SLC14A2: variants seen among roughly 807,000 people sequenced by gnomAD.
SLC14A2 encodes urea transporter 2.
Under a neutral mutation model 104.6 loss-of-function variants are expected in SLC14A2, and 91 were observed. The ratio of observed to expected loss-of-function variants is 0.87; its 90% CI spans 0.73 to 1.04. The LOEUF (loss-of-function observed/expected upper bound fraction) is 1.04, where lower values mean the gene tolerates loss of function less well. Ranked by LOEUF, SLC14A2 falls within the 50% of genes least tolerant of loss-of-function variation. The probability of loss-of-function intolerance (pLI) is 0.00; values close to 1 mark genes in which losing one functional copy is unlikely to be tolerated. For synonymous variants in SLC14A2, 476 were observed against 466.4 expected (o/e 1.02, Z -0.27); for missense variants, 1,189 against 1,156.0 (o/e 1.03, Z -0.41).
chr18:45,669,169 C>T, intron 15 of SLC14A2, 137 bp from the exon 16 acceptor site: 1 of 691,490 alleles, frequency 1.4e-6, no homozygotes, highest in Non-Finnish European at 2.4e-6. Context: ...AAGACCTGCT[C>T]AGGGCCAGTC....
intron 1 of SLC14A2, among the ~76,000 whole-genome samples, chr18:45,257,907 A>G (rs8095304): frequency 0.48 from 72,633 of 151,968 alleles, 17,970 homozygotes; most frequent in African/African-American, 0.61. Context: ...CCTCTGGGAG[A>G]AATATCAGGC....
chr18:45,399,652 T>C (rs1289730742), intron 1 of SLC14A2, among the ~76,000 whole-genome samples: 1 of 151,940 alleles, frequency 6.6e-6, no homozygotes, highest in African/African-American at 2.4e-5. Context: ...AGAATACATA[T>C]TATGGTGGGA....
intron 2 of SLC14A2, among the ~76,000 whole-genome samples, chr18:45,606,101 G>T (rs184477432): frequency 8.5e-5 from 13 of 152,106 alleles, no homozygotes; most frequent in Non-Finnish European, 1.6e-4. Flanking sequence ...CAAGTTGGGG[G>T]AAGGAGAAAC....
At chr18:45,660,026 C>T (rs1324931324) in intron 10 of SLC14A2, among the ~76,000 whole-genome samples, 25 of 151,714 alleles carry the variant, frequency 1.6e-4, no homozygotes, top group Admixed American at 1.4e-3. Flanking sequence ...CCAACAATTC[C>T]GAATGCTAAG....
intron 2 of SLC14A2, among the ~76,000 whole-genome samples, chr18:45,506,685 G>A (rs181446812): frequency 6.6e-6 from 1 of 152,302 alleles, no homozygotes; most frequent in Non-Finnish European, 1.5e-5. Flanking sequence ...TTTTTCTCTA[G>A]TGCCTCCACA....
At chr18:45,368,603 T>C (rs1430262750) in intron 1 of SLC14A2, among the ~76,000 whole-genome samples, 1 of 152,206 alleles carries the variant, frequency 6.6e-6, no homozygotes, top group Non-Finnish European at 1.5e-5. Flanking sequence ...TGTTTAACAA[T>C]CCATGAAACT....
At chr18:45,197,942 A>G in the SLC14A2 span, among the ~76,000 whole-genome samples, 1 of 152,182 alleles carries the variant, frequency 6.6e-6, no homozygotes, top group Non-Finnish European at 1.5e-5. Context: ...GCTCGTAGGA[A>G]CTTTCAAAAG....
chr18:45,189,770 T>TG, the SLC14A2 span, among the ~76,000 whole-genome samples: 2 of 152,192 alleles, frequency 1.3e-5, no homozygotes, highest in African/African-American at 2.4e-5. Flanking sequence ...GTCATCCATG[T>TG]GGGGGGAGTT....
intron 1 of SLC14A2, among the ~76,000 whole-genome samples, chr18:45,421,156 G>A (rs947832317): frequency 1.9e-4 from 29 of 152,022 alleles, no homozygotes; most frequent in African/African-American, 7.0e-4. Flanking sequence ...AGTGAATCAA[G>A]AACCTAAAAT....
intron 1 of SLC14A2, among the ~76,000 whole-genome samples, chr18:45,373,800 A>G (rs954036357): frequency 2.6e-5 from 4 of 152,176 alleles, no homozygotes; most frequent in African/African-American, 4.8e-5. Context: ...TAAATCCTCT[A>G]TGCTTCGGTT....
intron 1 of SLC14A2, among the ~76,000 whole-genome samples, chr18:45,229,498 A>G (rs781338316): frequency 6.6e-6 from 1 of 152,148 alleles, no homozygotes; most frequent in Non-Finnish European, 1.5e-5. Context: ...GCGAGAGCTA[A>G]ACAAGTTCTG....
chr18:45,295,188 G>A (rs1177505882), intron 1 of SLC14A2, among the ~76,000 whole-genome samples: 3 of 152,172 alleles, frequency 2.0e-5, no homozygotes, highest in African/African-American at 7.2e-5. Flanking sequence ...TTCTGTTTTG[G>A]ACAACTGGGA....
At chr18:45,272,406 T>G (rs2084660185) in intron 1 of SLC14A2, among the ~76,000 whole-genome samples, 1 of 152,018 alleles carries the variant, frequency 6.6e-6, no homozygotes. Context: ...GAACTGGAGA[T>G]CAATATATTC....
At chr18:45,572,248 G>A (rs2044358356) in intron 2 of SLC14A2, among the ~76,000 whole-genome samples, 1 of 152,178 alleles carries the variant, frequency 6.6e-6, no homozygotes, top group Non-Finnish European at 1.5e-5. Context: ...CAAGGGTTCA[G>A]AACTACCTTC....
intron 2 of SLC14A2, among the ~76,000 whole-genome samples, chr18:45,500,912 A>G (rs1340001448): frequency 6.6e-6 from 1 of 152,228 alleles, no homozygotes; most frequent in Non-Finnish European, 1.5e-5. Context: ...GGTCACTGTC[A>G]GATAAGATAA....
At chr18:45,622,168 C>T (rs1307938397) in intron 1 of SLC14A2, among the ~76,000 whole-genome samples, 1 of 151,982 alleles carries the variant, frequency 6.6e-6, no homozygotes, top group African/African-American at 2.4e-5. Context: ...TGAGGAGAAA[C>T]CTGGGAAAAA....
At chr18:45,672,181 C>A (rs2046151200) in intron 16 of SLC14A2, among the ~76,000 whole-genome samples, 1 of 152,158 alleles carries the variant, frequency 6.6e-6, no homozygotes, top group South Asian at 2.1e-4. Context: ...CTTGAAAACA[C>A]ACAGGGCCAT....
At chr18:45,177,675 C>G in the SLC14A2 span, among the ~76,000 whole-genome samples, 31 of 152,216 alleles carry the variant, frequency 2.0e-4, no homozygotes, top group African/African-American at 7.2e-4. Flanking sequence ...TTACTCTTTC[C>G]CCTCACAATA....
At chr18:45,390,350 G>T (rs1598746713) in intron 1 of SLC14A2, among the ~76,000 whole-genome samples, 2 of 152,092 alleles carry the variant, frequency 1.3e-5, no homozygotes, top group Non-Finnish European at 2.9e-5. Context: ...TGCTTGTAGG[G>T]CTCCAAGAAT....
Sources: allele counts gnomAD v4.1 joint callset (sites outside exome capture counted in the v4.1 genomes callset), GRCh38; gene constraint gnomAD v4.1.1; transcripts MANE v1.5; gene names NCBI Gene and HGNC (gene_info 2026-07-23, HGNC 2026-07-21).